DNMT3A: variants seen among roughly 807,000 people sequenced by gnomAD.
DNMT3A encodes DNA (cytosine-5)-methyltransferase 3A.
A neutral mutation model predicts 117.6 loss-of-function variants in DNMT3A; 267 were observed. The observed-to-expected ratio is 2.27, with a 90% CI of 2.05 to 2.51. The LOEUF (loss-of-function observed/expected upper bound fraction) is 2.51. Ranked by LOEUF, DNMT3A falls within the 30% of genes most tolerant of loss-of-function variation. DNMT3A has a pLI of 0.00. For synonymous variants in DNMT3A, 432 were observed against 474.8 expected (o/e 0.91, Z 1.17); for missense variants, 1,029 against 1,260.2 (o/e 0.82, Z 2.78).
Position 25,244,564 on chromosome 2 carries a change from A to AT in DNMT3A, c.1642dup (p.Met548AsnfsTer30). ...CCTGCAGCAGTTGTTGTTTCCGCAC[A>AT]TGAGCACCTCACGGCCCCCACAGCA... On this transcript the variant is annotated frameshift_variant, in exon 14 of 23. Transcript: ENST00000321117. LOFTEE classifies it high-confidence loss of function. The AT allele has an allele frequency of 6.2e-7, 1 of 1,614,164 alleles. No homozygotes were observed. Among genetic ancestry groups the AT allele is most frequent in the Non-Finnish European group, 8.5e-7 (1 of 1,180,008 alleles).
chr2:25,272,977 A>T (rs376247864), intron 6 of DNMT3A, among the ~76,000 whole-genome samples: 73 of 106,448 alleles, frequency 6.9e-4, no homozygotes, highest in Middle Eastern at 5.3e-3. Flanking sequence ...AATTGTTTGT[A>T]TTTTTTTTTT....
chr2:25,249,804 T>C, intron 6 of DNMT3A: 1 of 1,515,928 alleles, frequency 6.6e-7, no homozygotes, highest in Non-Finnish European at 9.2e-7. Flanking sequence ...CACGGCCCTC[T>C]GACTTCAAGG....
intron 6 of DNMT3A, chr2:25,251,919 C>T: frequency 2.1e-6 from 1 of 480,788 alleles, no homozygotes. Context: ...TACCACTGCC[C>T]GGGCTCCCGG....
rs587777509 is a variant in DNMT3A at position 25,244,564 on chromosome 2, A to G, written c.1643T>C (p.Met548Thr). 6 of 1,614,152 alleles carry G rather than the reference A, an allele frequency of 3.7e-6. No homozygotes were observed. The highest frequency in any genetic ancestry group is 3.4e-6 in the Non-Finnish European group (4 of 1,179,996). The change falls in exon 14 of 23, where the codon ATG becomes ACG. Residue 548 changes from methionine to threonine, a missense_variant. Physicochemically the swap from Met to Thr is moderately conservative, Grantham distance 81. Coordinates refer to ENST00000321117, the MANE Select transcript of DNMT3A (RefSeq NM_022552.5). ...TICCGGREVL[M>T]CGNNNCCRCF... ...CCTGCAGCAGTTGTTGTTTCCGCACATGAGCACCTCACGGCCCCCACAGCA... is the reference window on the plus strand; with the variant it reads ...CCTGCAGCAGTTGTTGTTTCCGCACGTGAGCACCTCACGGCCCCCACAGCA...
At chr2:25,333,827 G>A (rs916354425) in intron 1 of DNMT3A, among the ~76,000 whole-genome samples, 1 of 152,202 alleles carries the variant, frequency 6.6e-6, no homozygotes, top group African/African-American at 2.4e-5. Context: ...CCTGTAAGAT[G>A]AGACTGCTAT....
Position 25,248,085 on chromosome 2 carries a change from A to G in DNMT3A, c.807T>C (p.Ala269=). Residue 269 remains alanine, a synonymous_variant, in exon 7 of 23, where the codon GCT becomes GCC. Transcript: ENST00000321117. Reference sequence around the variant, plus strand: ...CTGCTTTGGTGGCATTCTTGTCCCCAGCATCGGACCCCACGGGCTCAGGCG... The same window carrying G: ...CTGCTTTGGTGGCATTCTTGTCCCCGGCATCGGACCCCACGGGCTCAGGCG... ...ATTPEPVGSD[A]GDKNATKAGD... 2 of 1,613,052 alleles carry G rather than the reference A, an allele frequency of 1.2e-6. No homozygotes were observed. Among genetic ancestry groups the G allele is most frequent in the Non-Finnish European group, 1.7e-6 (2 of 1,180,004 alleles).
At chr2:25,300,038 T>C in intron 3 of DNMT3A, 101 bp downstream of exon 3, 1 of 1,272,928 alleles carries the variant, frequency 7.9e-7, no homozygotes, top group Non-Finnish European at 1.1e-6. Context: ...TGGTCTTAAA[T>C]GTCTCCAGGT....
chr2:25,254,282 C>CAGGT lies in DNMT3A; in HGVS notation c.640-6034_640-6031dup, dbSNP rs1426846838. On this transcript the variant is annotated intron_variant, in intron 6 of 22. Coordinates refer to ENST00000321117, the MANE Select transcript of DNMT3A (RefSeq NM_022552.5). The surrounding 1 kb of genome is among the most constrained non-coding windows in gnomAD (Gnocchi z 4.7). ...CCCAGCCACAGTCACCTGGGACATACAGGTGCTGGTATAATGAAGTCACGA... is the reference window on the plus strand; with the variant it reads ...CCCAGCCACAGTCACCTGGGACATACAGGTAGGTGCTGGTATAATGAAGTCACGA... Among the ~76,000 whole-genome samples, 1 of 152,024 alleles carries CAGGT rather than the reference C, an allele frequency of 6.6e-6. No homozygotes were observed. Among genetic ancestry groups the CAGGT allele is most frequent in the African/African-American group, 2.4e-5 (1 of 41,382 alleles).
At chr2:25,300,087 C>CACG in intron 3 of DNMT3A, 52 bp downstream of exon 3, 1 of 1,577,844 alleles carries the variant, frequency 6.3e-7, no homozygotes, top group East Asian at 2.3e-5. Context: ...ACAGGCCAGG[C>CACG]ACGTGTGTGT....
chr2:25,277,825 C>T (rs2031554650), intron 4 of DNMT3A, among the ~76,000 whole-genome samples: 1 of 151,870 alleles, frequency 6.6e-6, no homozygotes, highest in African/African-American at 2.4e-5. Context: ...GTCCTGATGC[C>T]CCGGCAAGCT....
chr2:25,284,425 C>T (rs2032127815), intron 3 of DNMT3A, among the ~76,000 whole-genome samples: 1 of 151,852 alleles, frequency 6.6e-6, no homozygotes, highest in Non-Finnish European at 1.5e-5. Context: ...GGCAGGCTCC[C>T]TCACATATCA....
chr2:25,329,094 C>T (rs567093400), intron 1 of DNMT3A, among the ~76,000 whole-genome samples: 10 of 152,320 alleles, frequency 6.6e-5, no homozygotes, highest in South Asian at 6.2e-4. Context: ...GAAGGGAGCT[C>T]GCTGCTCTCA....
rs530163957 is a variant in DNMT3A, at chr2:25,315,726, T to A, written c.-177-1565A>T. ...GACACTAAAGTTCTGAGGGGTTGGG[T>A]TCACGTCCCCCAACACACACCACAG... On this transcript the variant is annotated intron_variant, in intron 1 of 22. Transcript: ENST00000321117. Among the ~76,000 whole-genome samples, 77 of 152,166 alleles carry A rather than the reference T, an allele frequency of 5.1e-4. 1 individual carries two copies. The South Asian group carries it at 0.015, about 30-fold the overall frequency.
chr2:25,261,788 T>C (rs572177144), intron 6 of DNMT3A, among the ~76,000 whole-genome samples: 109 of 152,150 alleles, frequency 7.2e-4, no homozygotes, highest in African/African-American at 2.5e-3. Context: ...TCCCTGCCCC[T>C]CCCTATCCTG....
chr2:25,318,079 C>G (rs913156078), intron 1 of DNMT3A, among the ~76,000 whole-genome samples: 1 of 152,078 alleles, frequency 6.6e-6, no homozygotes, highest in Non-Finnish European at 1.5e-5. Context: ...CAGGCTATTC[C>G]CCGATTGGGC....
chr2:25,318,578 G>A (rs1047245966), intron 1 of DNMT3A, among the ~76,000 whole-genome samples: 1 of 152,020 alleles, frequency 6.6e-6, no homozygotes, highest in African/African-American at 2.4e-5. Context: ...GAGCCACCGT[G>A]CCCAGCCAAA....
chr2:25,239,490 C>CTGTACAAAA (rs1490518180), intron 19 of DNMT3A: 9 of 593,574 alleles, frequency 1.5e-5, no homozygotes. Flanking sequence ...CACTAGCCCA[C>CTGTACAAAA]TAGTACAGGT....
chr2:25,263,233 A>C (rs1270125670), intron 6 of DNMT3A, among the ~76,000 whole-genome samples: 2 of 152,000 alleles, frequency 1.3e-5, no homozygotes, highest in Non-Finnish European at 2.9e-5. Flanking sequence ...CCTCTTTTGC[A>C]CTTACTGAAA....
At chr2:25,241,397 C>G (rs1674009369) in intron 17 of DNMT3A, among the ~76,000 whole-genome samples, 165 bp downstream of exon 17, 1 of 152,172 alleles carries the variant, frequency 6.6e-6, no homozygotes, top group Non-Finnish European at 1.5e-5. Context: ...TGCCCTTTAC[C>G]CTCTCAAGAC....
Sources: gnomAD v4.1 joint callset for allele counts (sites outside exome capture counted in the v4.1 genomes callset) on GRCh38, gnomAD v4.1.1 for gene constraint, Gnocchi (gnomAD v3.1) non-coding constraint, MANE v1.5 for transcripts, NCBI Gene and HGNC (gene_info 2026-07-23, HGNC 2026-07-21) for gene names.